MTAP: variants seen among roughly 807,000 people sequenced by gnomAD.
MTAP encodes S-methyl-5'-thioadenosine phosphorylase.
MTAP carries 33 observed loss-of-function variants against 33.6 expected under a neutral mutation model. The ratio of observed to expected loss-of-function variants is 0.98; its 90% confidence interval spans 0.74 to 1.31. The LOEUF is 1.31. Among genes scored for constraint, MTAP ranks in the 40% most tolerant of loss-of-function variants. MTAP has a pLI of 0.00. For missense variants in MTAP, 367 were observed against 360.0 expected (o/e 1.02, Z -0.16); for synonymous variants, 148 against 125.7 (o/e 1.18, Z -1.19).
intron 1 of MTAP, among the ~76,000 whole-genome samples, chr9:21,881,142 A>T (rs1363589303): frequency 6.6e-6 from 1 of 152,246 alleles, no homozygotes; most frequent in East Asian, 1.9e-4. Flanking sequence ...AAGGGTGCCA[A>T]AATCACTCAA....
intron 1 of MTAP, among the ~76,000 whole-genome samples, chr9:21,913,466 A>G (rs1818620555): frequency 6.6e-6 from 1 of 152,228 alleles, no homozygotes; most frequent in South Asian, 2.1e-4. Context: ...GCCCATGGAA[A>G]TAATAACAAA....
At chr9:21,887,971 A>G (rs773252244) in intron 1 of MTAP, among the ~76,000 whole-genome samples, 7 of 152,180 alleles carry the variant, frequency 4.6e-5, no homozygotes, top group Non-Finnish European at 8.8e-5. Flanking sequence ...ATTTGTGTAC[A>G]TTGATATTCT....
intron 4 of MTAP, among the ~76,000 whole-genome samples, chr9:21,823,240 T>C (rs1392486444): frequency 6.6e-6 from 1 of 152,218 alleles, no homozygotes; most frequent in African/African-American, 2.4e-5. Flanking sequence ...TCTTTATATT[T>C]TGGCATGTTT....
At chr9:21,826,948 G>T (rs1191504264) in intron 4 of MTAP, among the ~76,000 whole-genome samples, 1 of 152,040 alleles carries the variant, frequency 6.6e-6, no homozygotes, top group African/African-American at 2.4e-5. Flanking sequence ...CACGTGGAAG[G>T]GATCTGTGTT....
In MTAP at chr9:21,909,874, C is replaced by T. The variant is rs537007189; in HGVS notation, c.148-21134C>T. ...AAAGCTCGGGATGTTATGTAACTTG[C>T]CCAAGCCACACATAATAACAGTGGC... On this transcript the variant is annotated intron_variant, in intron 1 of 1. Transcript: ENST00000577563. Among the ~76,000 whole-genome samples the T allele has an allele frequency of 2.6e-5, 4 of 152,210 alleles. No individual in the cohort carries two copies. In the South Asian group the frequency reaches 8.3e-4, roughly 32 times the overall value.
At chr9:21,884,770 T>A (rs1296223089) in intron 1 of MTAP, among the ~76,000 whole-genome samples, 1 of 152,106 alleles carries the variant, frequency 6.6e-6, no homozygotes, top group East Asian at 1.9e-4. Flanking sequence ...TTGAATACCA[T>A]CTCATTGAGG....
At chr9:21,898,698 A>G (rs1818338079) in intron 1 of MTAP, among the ~76,000 whole-genome samples, 1 of 152,204 alleles carries the variant, frequency 6.6e-6, no homozygotes, top group Admixed American at 6.5e-5. Context: ...ATCTCACACC[A>G]GTTAGAATGG....
chr9:21,850,559 A>G (rs1262194194), intron 5 of MTAP, among the ~76,000 whole-genome samples: 1 of 152,168 alleles, frequency 6.6e-6, no homozygotes, highest in Non-Finnish European at 1.5e-5. Context: ...GCAGATAAGG[A>G]TGCTGTTTGG....
intron 1 of MTAP, chr9:21,892,350 C>T (rs965023527): frequency 1.2e-4 from 18 of 151,924 alleles, no homozygotes; most frequent in African/African-American, 3.2e-4. Flanking sequence ...AAGCAAGACT[C>T]AACTCTATGC....
chr9:21,802,779 A>C lies in MTAP; in HGVS notation c.31A>C (p.Lys11Gln), dbSNP rs1416545197. ...CTCTGGCACCACCACCACCGCCGTG[A>C]AGGTGAGATGAGCCCTCCCAGCCGC... MASGTTTTAV[K>Q]IGIIGGTGLD... Residue 11 changes from lysine (K) to glutamine (Q), a missense_variant and splice_region_variant, in exon 1 of 8, where the codon AAG (lysine) becomes CAG (glutamine). By Grantham distance (53) the Lys-to-Gln change is moderately conservative (BLOSUM62 1). Coordinates refer to ENST00000644715, the MANE Select transcript of MTAP (RefSeq NM_002451.4). 6.2e-7 allele frequency: 1 copy of C among 1,613,110 alleles called. No individual in the cohort carries two copies. Among genetic ancestry groups the C allele is most frequent in the African/African-American group, 1.3e-5 (1 of 74,826 alleles).
intron 4 of MTAP, among the ~76,000 whole-genome samples, chr9:21,825,979 T>A (rs1290630503): frequency 6.6e-6 from 1 of 152,248 alleles, no homozygotes; most frequent in African/African-American, 2.4e-5. Context: ...CCTATTTTTT[T>A]AATCAGGTTG....
chr9:21,815,642 C>T (rs1323272482), intron 2 of MTAP, 123 bp downstream of exon 2: 7 of 726,362 alleles, frequency 9.6e-6, no homozygotes, highest in South Asian at 1.7e-5. Flanking sequence ...GCTGTCTGCT[C>T]CCAGCAGAGA....
At chr9:21,861,709 C>T (rs1200730831) in intron 7 of MTAP, 1 of 472,684 alleles carries the variant, frequency 2.1e-6, no homozygotes, top group African/African-American at 2.0e-5. Flanking sequence ...GCTGGTATGG[C>T]AATAAGTGAT....
intron 5 of MTAP, among the ~76,000 whole-genome samples, chr9:21,841,783 C>A (rs1046274086): frequency 4.6e-5 from 7 of 152,184 alleles, no homozygotes; most frequent in African/African-American, 1.7e-4. Flanking sequence ...GAACAGCAGG[C>A]CTTGAGTTTC....
At chr9:21,827,074 C>A (rs1824839154) in intron 4 of MTAP, among the ~76,000 whole-genome samples, 1 of 152,182 alleles carries the variant, frequency 6.6e-6, no homozygotes, top group African/African-American at 2.4e-5. Flanking sequence ...TGAAATCAGT[C>A]CCCGGTGCCA....
At chr9:21,839,191 A>ATTTTTTT (rs1229091482) in intron 5 of MTAP, among the ~76,000 whole-genome samples, 5 of 113,934 alleles carry the variant, frequency 4.4e-5, no homozygotes, top group African/African-American at 2.4e-4. Flanking sequence ...TTTTTTTTAA[A>ATTTTTTT]AAAGTGGCAG....
In MTAP at chr9:21,862,018, A is replaced by G. The variant is rs1262467541; in HGVS notation, c.*4A>G. 1 of 1,612,998 alleles carries G rather than the reference A, an allele frequency of 6.2e-7. No homozygotes were observed. The highest frequency in any genetic ancestry group is 8.5e-7 in the Non-Finnish European group (1 of 1,179,124). ...TGTTTTATTACCAAGACATTAAAGT[A>G]GCATGGCTGCCCAGGAGAAAAGAAG... On this transcript the variant is annotated 3_prime_UTR_variant, in exon 8 of 8. Coordinates refer to ENST00000644715, the MANE Select transcript of MTAP (RefSeq NM_002451.4).
At chr9:21,940,899 G>A (rs1819127708), downstream of MTAP, 1 of 513,232 alleles carries the variant, frequency 1.9e-6, no homozygotes, top group Non-Finnish European at 2.5e-6. Flanking sequence ...TATCTTTACT[G>A]CCTTTCTTCC....
intron 1 of MTAP, among the ~76,000 whole-genome samples, chr9:21,903,273 C>T (rs1013810002): frequency 7.9e-5 from 12 of 152,188 alleles, no homozygotes; most frequent in African/African-American, 2.9e-4. Context: ...AACGACGATC[C>T]ATGGCTTTCG....
Sources: gnomAD v4.1 joint callset for allele counts (sites outside exome capture counted in the v4.1 genomes callset) on GRCh38, gnomAD v4.1.1 for gene constraint, MANE v1.5 for transcripts, NCBI Gene and HGNC (gene_info 2026-07-23, HGNC 2026-07-21) for gene names.